The following DLGAP1 variants were observed in gnomAD, a reference collection of about 807,000 sequenced individuals.
DLGAP1 encodes disks large-associated protein 1.
DLGAP1 carries 11 observed loss-of-function variants against 90.8 expected under a neutral mutation model. The observed-to-expected ratio is 0.12, with a 90% CI of 0.08 to 0.20. The LOEUF (loss-of-function observed/expected upper bound fraction) is 0.20, where lower values mean the gene tolerates loss of function less well. DLGAP1 is among the 10% of genes least tolerant of loss of function. The pLI is 1.00. For synonymous variants in DLGAP1, 558 were observed against 540.7 expected, an observed-to-expected ratio of 1.03 and a Z score of -0.44; for missense variants, 1,050 against 1,333.8, an observed-to-expected ratio of 0.79 and a Z score of 3.31.
At chr18:4,123,443 G>A (rs2076184293) in intron 2 of DLGAP1, among the ~76,000 whole-genome samples, 1 of 152,148 alleles carries the variant, frequency 6.6e-6, no homozygotes, top group African/African-American at 2.4e-5. Flanking sequence ...AGGAAGAAAG[G>A]AAGGGCCCAA....
chr18:3,720,266 A>T (rs2061924739), intron 7 of DLGAP1, among the ~76,000 whole-genome samples: 1 of 152,216 alleles, frequency 6.6e-6, no homozygotes, highest in African/African-American at 2.4e-5. Flanking sequence ...TGATAATTGG[A>T]AGAAAAAGGT....
At position 3,970,555 on chromosome 18, in the gene DLGAP1, A is replaced by G. The variant is rs535615364; in HGVS notation, c.-73+34561T>C. Among the ~76,000 whole-genome samples the G allele has an allele frequency of 2.5e-4, 38 of 152,340 alleles. No homozygotes were observed. The South Asian group carries it at 7.9e-3, about 32-fold the overall frequency. On this transcript the variant is annotated intron_variant, in intron 3 of 12. Transcript: ENST00000315677. ...TAGAAATGTGTGGGACATGAGAGAG[A>G]AATGTTGGCCTCATCAAGAAGTACA...
At chr18:3,815,247 A>C (rs912170199) in intron 4 of DLGAP1, among the ~76,000 whole-genome samples, 1 of 152,196 alleles carries the variant, frequency 6.6e-6, no homozygotes, top group Non-Finnish European at 1.5e-5. Context: ...AGTGGTCTCT[A>C]CCAGCTGCAT....
At chr18:3,774,392 A>G (rs2064843795) in intron 5 of DLGAP1, 1 of 152,240 alleles carries the variant, frequency 6.6e-6, no homozygotes, top group South Asian at 2.1e-4. Context: ...CATATAGGAC[A>G]TGATAGATGG....
intron 4 of DLGAP1, among the ~76,000 whole-genome samples, chr18:3,844,806 G>A (rs1458091130): frequency 6.6e-6 from 1 of 152,168 alleles, no homozygotes; most frequent in Non-Finnish European, 1.5e-5. Context: ...TCAACATGAT[G>A]TACGTATTCT....
chr18:3,714,682 G>T (rs1274048807), intron 7 of DLGAP1, among the ~76,000 whole-genome samples: 1 of 123,648 alleles, frequency 8.1e-6, no homozygotes, highest in South Asian at 2.6e-4. Flanking sequence ...GTCTCGCTCT[G>T]TCATGCAATG....
chr18:3,874,121 A>C (rs1207633516), intron 4 of DLGAP1: 12 of 1,549,578 alleles, frequency 7.7e-6, no homozygotes, highest in African/African-American at 2.7e-5. Context: ...CACTATTACC[A>C]AATACAAAGT....
chr18:3,676,401 G>C (rs1369157469), intron 7 of DLGAP1, among the ~76,000 whole-genome samples: 1 of 152,172 alleles, frequency 6.6e-6, no homozygotes, highest in Non-Finnish European at 1.5e-5. Context: ...TCACTAGAGA[G>C]AGCTGTTTTC....
At position 3,879,543 on chromosome 18, in the gene DLGAP1, C is replaced by A. The variant is rs768852821; in HGVS notation, c.526G>T (p.Ala176Ser). Residue 176 changes from alanine (A) to serine (S), a missense_variant, in exon 4 of 13, where the codon GCG (alanine) becomes TCG (serine). This residue lies in a region of DLGAP1 where 485 missense variants were observed against 454.1 expected (regional missense o/e 1.07). Coordinates refer to ENST00000315677, the MANE Select transcript of DLGAP1 (RefSeq NM_004746.4). This position sits in a 1 kb window ranked among gnomAD's most constrained non-coding sequence, Gnocchi z 6.6. ...CTCTTGCTGCGTTTGCCATAGCGCG[C>A]CGCCTGCGCCTCGTCAGGGCTGGCC... ...GKASPDEAQA[A>S]RYGKRSKSKE... 6.3e-6 allele frequency: 10 copies of A among 1,599,460 alleles called. No homozygotes were observed. Among genetic ancestry groups the A allele is most frequent in the Non-Finnish European group, 1.7e-6 (2 of 1,177,948 alleles).
At chr18:3,615,173 C>A (rs561156339) in intron 7 of DLGAP1, among the ~76,000 whole-genome samples, 63 of 152,218 alleles carry the variant, frequency 4.1e-4, no homozygotes, top group Non-Finnish European at 2.6e-4. Context: ...CCGCCAGCCT[C>A]GGCCTCTCAA....
At chr18:4,065,943 C>CT (rs2075364707) in intron 2 of DLGAP1, among the ~76,000 whole-genome samples, 1 of 138,552 alleles carries the variant, frequency 7.2e-6, no homozygotes, top group South Asian at 2.5e-4. Flanking sequence ...GTAATCAAAA[C>CT]AGCATGGTGC....
At chr18:4,451,641 G>C (rs2083834694) in intron 1 of DLGAP1, among the ~76,000 whole-genome samples, 1 of 152,134 alleles carries the variant, frequency 6.6e-6, no homozygotes, top group African/African-American at 2.4e-5. Flanking sequence ...AAATTCTCAT[G>C]CTTCGGAAAA....
chr18:3,566,012 G>T (rs1048574444), intron 9 of DLGAP1, among the ~76,000 whole-genome samples: 1 of 152,032 alleles, frequency 6.6e-6, no homozygotes, highest in Non-Finnish European at 1.5e-5. Flanking sequence ...ACCTAACATT[G>T]TATCATGGGA....
At chr18:3,996,468 C>T (rs1415699466) in intron 3 of DLGAP1, among the ~76,000 whole-genome samples, 3 of 151,860 alleles carry the variant, frequency 2.0e-5, no homozygotes, top group Non-Finnish European at 4.4e-5. Flanking sequence ...TTTAAGATAT[C>T]TATTTAGATT....
intron 1 of DLGAP1, among the ~76,000 whole-genome samples, chr18:4,398,918 G>A (rs559856458): frequency 8.5e-5 from 13 of 152,048 alleles, no homozygotes; most frequent in African/African-American, 2.4e-4. Context: ...TGCAACCTCC[G>A]CCTCCGGGGT....
intron 1 of DLGAP1, among the ~76,000 whole-genome samples, chr18:4,363,369 A>C (rs892360895): frequency 6.6e-6 from 1 of 152,194 alleles, no homozygotes; most frequent in African/African-American, 2.4e-5. Flanking sequence ...GATCCTTGGG[A>C]AAAGGTGGAA....
At chr18:3,723,444 GTACT>G (rs1391992952) in intron 7 of DLGAP1, among the ~76,000 whole-genome samples, 48 of 152,176 alleles carry the variant, frequency 3.2e-4, no homozygotes, top group Admixed American at 3.3e-4. Context: ...AGTTTGTGGA[GTACT>G]TAAAGATTTT....
At chr18:4,061,689 G>A (rs1049583097) in intron 2 of DLGAP1, among the ~76,000 whole-genome samples, 4 of 152,106 alleles carry the variant, frequency 2.6e-5, no homozygotes, top group African/African-American at 7.2e-5. Context: ...TTACTGGTAT[G>A]TATTCCAAAA....
At chr18:4,073,654 A>G (rs1287774095) in intron 2 of DLGAP1, among the ~76,000 whole-genome samples, 1 of 152,218 alleles carries the variant, frequency 6.6e-6, no homozygotes, top group East Asian at 1.9e-4. Flanking sequence ...CCTACAAAAA[A>G]CTAAGTGGAT....
Sources: allele counts gnomAD v4.1 joint callset (sites outside exome capture counted in the v4.1 genomes callset), GRCh38; gene constraint gnomAD v4.1.1; regional missense constraint gnomAD v4.1.1; non-coding constraint Gnocchi (gnomAD v3.1); transcripts MANE v1.5; gene names NCBI Gene and HGNC (gene_info 2026-07-23, HGNC 2026-07-21).